Variants in MYO1G observed in about 807,000 individuals in gnomAD.
MYO1G encodes the protein myosin IG, also known as unconventional myosin-Ig.
Under a neutral mutation model 115.3 loss-of-function variants are expected in MYO1G, and 65 were observed. The ratio of observed to expected loss-of-function variants is 0.56; its 90% CI spans 0.46 to 0.69. The LOEUF (loss-of-function observed/expected upper bound fraction) is 0.69, where lower values mean the gene tolerates loss of function less well. Ranked by LOEUF, MYO1G falls within the 30% of genes least tolerant of loss-of-function variation. The pLI, the probability that MYO1G is intolerant of heterozygous loss-of-function variation, is 0.00. For synonymous variants in MYO1G, 510 were observed against 552.6 expected (o/e 0.92, Z 1.08); for missense variants, 1,204 against 1,393.5 (o/e 0.86, Z 2.16).
rs937701229 is a variant in MYO1G, at chr7:44,963,840, G to A, written c.2745+209C>T. On this transcript the variant is annotated intron_variant, in intron 20 of 21. Coordinates refer to ENST00000258787, the MANE Select transcript of MYO1G (RefSeq NM_033054.3). This position sits in a 1 kb window ranked among gnomAD's most constrained non-coding sequence, Gnocchi z 4.1. The stretch of plus-strand genomic sequence containing the variant: ...GAGAGTGGGGGTGGGGGGTGACTGG[G>A]CTGGTGGGGATCACAGGATGGGACC... 5 of 570,892 alleles carry A rather than the reference G, an allele frequency of 8.8e-6. No individual in the cohort carries two copies. The highest frequency in any genetic ancestry group is 1.6e-5 in the Non-Finnish European group (5 of 316,378). The allele number at this position is 570,892 out of a possible 1,614,324, so 35.4% of individuals were successfully genotyped here. A position where few individuals can be genotyped will look rare whatever the true frequency, so the allele number is the denominator to read the frequency against.
In MYO1G at chr7:44,964,465, G is replaced by C. The variant is rs139568291; in HGVS notation, c.2581C>G (p.Gln861Glu). The C allele has an allele frequency of 1.9e-6, 3 of 1,614,020 alleles. No individual in the cohort carries two copies. The highest frequency in any genetic ancestry group is 4.5e-5 in the East Asian group (2 of 44,880). Residue 861 changes from glutamine to glutamate, a missense_variant, in exon 19 of 22, where the codon CAG becomes GAG. Gln to Glu is a conservative substitution (Grantham distance 29). Transcript: ENST00000258787. The surrounding 1 kb of genome is among the most constrained non-coding windows in gnomAD (Gnocchi z 5.1). Reference protein sequence around the residue: ...SLFAQRLKTLQDKDGFGAVLF... With the variant: ...SLFAQRLKTLEDKDGFGAVLF... ...ACAGCCCCGAAGCCATCTTTGTCCT[G>C]AAGTGTCTTTAGTCGCTGAGCAAAC...
chr7:44,970,090 G>C lies in MYO1G; in HGVS notation c.1282C>G (p.Leu428Val). 6.2e-7 allele frequency: 1 copy of C among 1,614,102 alleles called. No individual in the cohort carries two copies. The highest frequency in any genetic ancestry group is 8.5e-7 in the Non-Finnish European group (1 of 1,180,020). The stretch of plus-strand genomic sequence containing the variant: ...TCGTACTCTTCCTGTTCCTGCTTCA[G>C]GATGAGCTGGATGAATAGCTGCTGC... ...KLQQLFIQLI[L>V]KQEQEEYERE... The change falls in exon 10 of 22, where the codon CTG (leucine) becomes GTG (valine). Residue 428 changes from leucine (L) to valine (V), a missense_variant. Transcript: ENST00000258787.
In MYO1G at chr7:44,964,836, C is replaced by A; in HGVS notation, c.2526+109G>T. 6.8e-7 allele frequency: 1 copy of A among 1,472,956 alleles called. No individual in the cohort carries two copies. Among genetic ancestry groups the A allele is most frequent in the Non-Finnish European group, 9.2e-7 (1 of 1,091,884 alleles). The allele number at this position is 1,472,956 out of a possible 1,614,324, so 91.2% of individuals were successfully genotyped here. A position where few individuals can be genotyped will look rare whatever the true frequency, so the allele number is the denominator to read the frequency against. ...GGTACAGGGCCACCAGGACAGACAA[C>A]CCCAGGCCTGGGAGAGGACATCTGA... is the stretch of plus-strand genomic sequence containing the variant. On this transcript the variant is annotated intron_variant, in intron 18 of 21. Coordinates refer to ENST00000258787, the MANE Select transcript of MYO1G (RefSeq NM_033054.3). This position sits in a 1 kb window ranked among gnomAD's most constrained non-coding sequence, Gnocchi z 5.1.
chr7:44,965,601 A>G (rs201652481), intron 17 of MYO1G, 36 bp downstream of exon 17: 11 of 1,574,210 alleles, frequency 7.0e-6, no homozygotes, highest in African/African-American at 4.0e-5. Context: ...AGTGGATGCC[A>G]GCTGAATGGA....
Position 44,966,617 on chromosome 7 carries a change from T to C in MYO1G, c.1949+55A>G. On this transcript the variant is annotated intron_variant, in intron 15 of 21. Coordinates refer to ENST00000258787, the MANE Select transcript of MYO1G (RefSeq NM_033054.3). The surrounding 1 kb of genome is among the most constrained non-coding windows in gnomAD (Gnocchi z 5.0). ...TTGGGGACCCTCTGCTCCTACCCCT[T>C]GGACTCCACACAGGGACTATGGCCC... 1.2e-6 allele frequency: 2 copies of C among 1,603,950 alleles called. No individual in the cohort carries two copies. Among genetic ancestry groups the C allele is most frequent in the Non-Finnish European group, 1.7e-6 (2 of 1,172,564 alleles).
In MYO1G at chr7:44,964,195, C is replaced by T. The variant is rs780677616; in HGVS notation, c.2632-33G>A. The stretch of plus-strand genomic sequence containing the variant: ...AGAGGTGGCTGGACCCAGGCTGGTG[C>T]TGCCCTGTCACCCACCAGGGCCCCA... On this transcript the variant is annotated intron_variant, in intron 19 of 21. Transcript: ENST00000258787. The surrounding 1 kb of genome is among the most constrained non-coding windows in gnomAD (Gnocchi z 5.1). 3.6e-5 allele frequency: 55 copies of T among 1,546,574 alleles called. No individual in the cohort carries two copies. Among genetic ancestry groups the T allele is most frequent in the South Asian group, 2.2e-4 (19 of 85,404 alleles).
chr7:44,976,675 G>T lies in MYO1G; in HGVS notation c.305-18C>A, dbSNP rs1394620333. On this transcript the variant is annotated intron_variant, in intron 2 of 21. Coordinates refer to ENST00000258787, the MANE Select transcript of MYO1G (RefSeq NM_033054.3). Reference sequence around the variant, plus strand: ...ACTCTCCCCTGCCGGAAAGACCAGAGTTGAGAGAATCAGCCAGGTTCGCTC... The same window carrying T: ...ACTCTCCCCTGCCGGAAAGACCAGATTTGAGAGAATCAGCCAGGTTCGCTC... 6.2e-7 allele frequency: 1 copy of T among 1,613,888 alleles called. No individual in the cohort carries two copies. Among genetic ancestry groups the T allele is most frequent in the South Asian group, 1.1e-5 (1 of 91,086 alleles).
rs775723751 is a variant in MYO1G at position 44,970,986 on chromosome 7, A to T, written c.920T>A (p.Leu307Gln). 1 of 1,613,452 alleles carries T rather than the reference A, an allele frequency of 6.2e-7. No homozygotes were observed. Among genetic ancestry groups the T allele is most frequent in the East Asian group, 2.2e-5 (1 of 44,898 alleles). ...CGTCAGCTCAGCCACATGGTCCACC[A>T]GTGCCTCCTCGGCCACTGCCAGGCC... ...KEGLAVAEEA[L>Q]VDHVAELTAT... The change falls in exon 8 of 22, where the codon CTG becomes CAG. Residue 307 changes from leucine (L) to glutamine (Q), a missense_variant. Transcript: ENST00000258787.
chr7:44,975,278 G>C, intron 4 of MYO1G, 51 bp from the exon 5 acceptor site: 1 of 1,602,996 alleles, frequency 6.2e-7, no homozygotes, highest in Non-Finnish European at 8.5e-7. Flanking sequence ...GTCTGACCCT[G>C]GGGACCCCAT....
chr7:44,967,362 A>G (rs1235101170), intron 14 of MYO1G, among the ~76,000 whole-genome samples: 4 of 152,176 alleles, frequency 2.6e-5, no homozygotes, highest in African/African-American at 9.7e-5. Flanking sequence ...TCAAGAGACA[A>G]TGGGGCGAGG....
chr7:44,966,485 A>T lies in MYO1G; in HGVS notation c.1949+187T>A, dbSNP rs780681817. 83 of 837,986 alleles carry T rather than the reference A, an allele frequency of 9.9e-5. No individual in the cohort carries two copies. In the African/African-American group the frequency reaches 1.2e-3, roughly 12 times the overall value. The allele number at this position is 837,986 out of a possible 1,614,324, so 51.9% of individuals were successfully genotyped here. ...CCCTCATACCCATGTTCCCACCTGT[A>T]TGTCCCCACATGCATGTGCTCACAC... is the stretch of plus-strand genomic sequence containing the variant. On this transcript the variant is annotated intron_variant, in intron 15 of 21. Transcript: ENST00000258787. The surrounding 1 kb of genome is among the most constrained non-coding windows in gnomAD (Gnocchi z 5.0).
chr7:44,972,300 C>T (rs1794973976), intron 5 of MYO1G, 75 bp from the exon 6 acceptor site: 1 of 1,095,466 alleles, frequency 9.1e-7, no homozygotes, highest in Non-Finnish European at 1.4e-6. Context: ...GGCAGGAGAA[C>T]AAACAGACTT....
Sources: allele counts gnomAD v4.1 joint callset (sites outside exome capture counted in the v4.1 genomes callset), GRCh38; gene constraint gnomAD v4.1.1; non-coding constraint Gnocchi (gnomAD v3.1); transcripts MANE v1.5; gene names NCBI Gene and HGNC (gene_info 2026-07-23, HGNC 2026-07-21).